The following SGCZ variants were observed in gnomAD, a reference collection of about 807,000 sequenced individuals.
The protein encoded by SGCZ is sarcoglycan zeta, also known as zeta-sarcoglycan.
Under a neutral mutation model 41.3 loss-of-function variants are expected in SGCZ, and 40 were observed. The observed-to-expected ratio is 0.97, with a 90% CI of 0.75 to 1.26. SGCZ has a LOEUF of 1.26. SGCZ is among the 50% of genes most tolerant of loss of function. The pLI is 0.00. For synonymous variants in SGCZ, 206 were observed against 137.5 expected, an observed-to-expected ratio of 1.50 and a Z score of -3.49; for missense variants, 552 against 369.8, an observed-to-expected ratio of 1.49 and a Z score of -4.04.
Position 14,137,760 on chromosome 8 carries a change from G to A in SGCZ, c.547+26820C>T, listed in dbSNP as rs574742292. Among the ~76,000 whole-genome samples, 47 of 152,230 alleles carry A rather than the reference G, an allele frequency of 3.1e-4. No individual in the cohort carries two copies. The South Asian group carries it at 3.3e-3, about 11-fold the overall frequency. On this transcript the variant is annotated intron_variant, in intron 5 of 7. Coordinates refer to ENST00000382080, the MANE Select transcript of SGCZ (RefSeq NM_139167.4). ...ACCCAAGTTGGAAAACACTCTTCAG[G>A]ATATTATCCAGGAGAACTTCCCCAA... is the stretch of plus-strand genomic sequence containing the variant.
chr8:14,507,706 T>C (rs1001685508), intron 2 of SGCZ, among the ~76,000 whole-genome samples: 3 of 152,156 alleles, frequency 2.0e-5, no homozygotes, highest in Non-Finnish European at 4.4e-5. Context: ...TATGCTTACT[T>C]CCTCACTTCT....
At chr8:14,775,194 T>C (rs1800364075) in intron 1 of SGCZ, among the ~76,000 whole-genome samples, 1 of 152,180 alleles carries the variant, frequency 6.6e-6, no homozygotes, top group Non-Finnish European at 1.5e-5. Flanking sequence ...CCTGGAGATT[T>C]TGTAATAATA....
intron 1 of SGCZ, among the ~76,000 whole-genome samples, chr8:15,091,229 C>T (rs992344159): frequency 6.6e-6 from 1 of 152,036 alleles, no homozygotes; most frequent in East Asian, 1.9e-4. Context: ...TTATGTTGCC[C>T]AGGCTGGCCT....
At chr8:15,213,854 T>C (rs1057264395) in intron 1 of SGCZ, among the ~76,000 whole-genome samples, 4 of 152,016 alleles carry the variant, frequency 2.6e-5, no homozygotes, top group African/African-American at 9.6e-5. Context: ...AATTTTCCCA[T>C]AGGACCATAT....
At chr8:14,942,687 T>G (rs189538906) in intron 1 of SGCZ, among the ~76,000 whole-genome samples, 3 of 152,238 alleles carry the variant, frequency 2.0e-5, no homozygotes. Context: ...AATCTCTTAT[T>G]CACAACTATA....
chr8:15,109,101 AACAC>A (rs554784051), intron 1 of SGCZ, among the ~76,000 whole-genome samples: 4 of 152,060 alleles, frequency 2.6e-5, no homozygotes, highest in African/African-American at 9.7e-5. Context: ...CAAAAAATAA[AACAC>A]ACACACACAC....
intron 1 of SGCZ, among the ~76,000 whole-genome samples, chr8:14,722,580 G>T (rs1295086279): frequency 6.6e-6 from 1 of 151,690 alleles, no homozygotes; most frequent in Non-Finnish European, 1.5e-5. Flanking sequence ...TGAAATGGGA[G>T]AAAAAGGAAA....
intron 4 of SGCZ, among the ~76,000 whole-genome samples, chr8:14,168,831 G>A (rs2116994555): frequency 6.6e-6 from 1 of 152,140 alleles, no homozygotes; most frequent in Middle Eastern, 3.4e-3. Context: ...TCTTTACTTT[G>A]TCCCTAGATT....
intron 1 of SGCZ, among the ~76,000 whole-genome samples, chr8:15,016,998 C>T (rs1188093277): frequency 6.6e-6 from 1 of 152,092 alleles, no homozygotes; most frequent in South Asian, 2.1e-4. Context: ...AGGATCCACC[C>T]CCATGACCCA....
At chr8:15,166,532 G>C (rs909420733) in intron 1 of SGCZ, among the ~76,000 whole-genome samples, 8 of 152,152 alleles carry the variant, frequency 5.3e-5, no homozygotes, top group Non-Finnish European at 8.8e-5. Flanking sequence ...ACAGGTGTGA[G>C]CCACCACGCC....
intron 1 of SGCZ, among the ~76,000 whole-genome samples, chr8:14,572,450 G>T (rs1585090724): frequency 6.6e-6 from 1 of 152,112 alleles, no homozygotes; most frequent in East Asian, 1.9e-4. Context: ...CCATGTGCCA[G>T]GCACTAATGC....
At chr8:14,650,234 G>C (rs56932777) in intron 1 of SGCZ, among the ~76,000 whole-genome samples, 249 of 152,128 alleles carry the variant, frequency 1.6e-3, no homozygotes, top group African/African-American at 5.7e-3. Flanking sequence ...TGGATCAGGA[G>C]TAGGAGAAAG....
At position 14,776,120 on chromosome 8, in the gene SGCZ, T is replaced by A. The variant is rs147442452; in HGVS notation, c.40-221194A>T. Among the ~76,000 whole-genome samples, 7 of 152,346 alleles carry A rather than the reference T, an allele frequency of 4.6e-5. No individual in the cohort carries two copies. The East Asian group carries it at 9.6e-4, about 21-fold the overall frequency. On this transcript the variant is annotated intron_variant, in intron 1 of 7. Coordinates refer to ENST00000382080, the MANE Select transcript of SGCZ (RefSeq NM_139167.4). ...AAAAGTGAACTCTTAATTCTTATTTTATAGAATTTAAAATGTGGTGATTTG... is the reference window on the plus strand; with the variant it reads ...AAAAGTGAACTCTTAATTCTTATTTAATAGAATTTAAAATGTGGTGATTTG...
chr8:14,441,492 T>C (rs1800268357), intron 2 of SGCZ, among the ~76,000 whole-genome samples: 1 of 152,172 alleles, frequency 6.6e-6, no homozygotes, highest in African/African-American at 2.4e-5. Context: ...GGAACATCAC[T>C]TGAACCTGGG....
intron 2 of SGCZ, among the ~76,000 whole-genome samples, chr8:14,483,156 T>C (rs1801580522): frequency 6.6e-6 from 1 of 152,178 alleles, no homozygotes; most frequent in Non-Finnish European, 1.5e-5. Flanking sequence ...CTTCCCTCAA[T>C]AGCCTGACTT....
intron 2 of SGCZ, among the ~76,000 whole-genome samples, chr8:14,367,824 T>C (rs1342716087): frequency 1.3e-5 from 2 of 152,076 alleles, no homozygotes; most frequent in Non-Finnish European, 2.9e-5. Context: ...ACACTAATCA[T>C]GTCATTCCCT....
chr8:14,686,117 C>A (rs932865606), intron 1 of SGCZ, among the ~76,000 whole-genome samples: 3 of 152,090 alleles, frequency 2.0e-5, no homozygotes, highest in Non-Finnish European at 4.4e-5. Flanking sequence ...CCAGGTAGTG[C>A]ATATAAAAAC....
intron 2 of SGCZ, among the ~76,000 whole-genome samples, chr8:14,373,956 C>T (rs1352318447): frequency 6.6e-6 from 1 of 152,060 alleles, no homozygotes; most frequent in Non-Finnish European, 1.5e-5. Context: ...CCTACACATC[C>T]TGCACATGTG....
intron 1 of SGCZ, among the ~76,000 whole-genome samples, chr8:14,761,802 G>A (rs1262310447): frequency 6.6e-6 from 1 of 152,080 alleles, no homozygotes; most frequent in African/African-American, 2.4e-5. Flanking sequence ...TGGGATTACA[G>A]GTGTGAAGGT....
Sources: allele counts gnomAD v4.1 joint callset (sites outside exome capture counted in the v4.1 genomes callset), GRCh38; gene constraint gnomAD v4.1.1; transcripts MANE v1.5; gene names NCBI Gene and HGNC (gene_info 2026-07-23, HGNC 2026-07-21).